The following CEP250 variants were observed in gnomAD, a reference collection of about 807,000 sequenced individuals.
CEP250 encodes centrosome-associated protein CEP250.
A neutral mutation model predicts 315.7 loss-of-function variants in CEP250; 242 were observed. That is an observed-to-expected ratio of 0.77 (90% CI 0.69 to 0.85). The LOEUF is 0.85. CEP250 is among the 40% of genes least tolerant of loss of function. The pLI, the probability that CEP250 is intolerant of heterozygous loss-of-function variation, is 0.00. For synonymous variants in CEP250, 1,088 were observed against 1,175.0 expected, an observed-to-expected ratio of 0.93 and a Z score of 1.51; for missense variants, 2,515 against 2,886.4, an observed-to-expected ratio of 0.87 and a Z score of 2.95.
chr20:35,480,041 G>C lies in CEP250; in HGVS notation c.2482G>C (p.Ala828Pro). The part of the protein sequence containing the change: ...ERSQAEQERD[A>P]AARQLAQAEQ... ...GAGTCAGGCAGAGCAGGAGCGGGAT[G>C]CTGCAGCCAGACAGCTGGCCCAGGC... Residue 828 changes from alanine to proline, a missense_variant, in exon 20 of 35, where the codon GCT becomes CCT. Coordinates refer to ENST00000397527, the MANE Select transcript of CEP250 (RefSeq NM_007186.6). The C allele has an allele frequency of 6.2e-7, 1 of 1,613,490 alleles. No homozygotes were observed. Among genetic ancestry groups the C allele is most frequent in the Non-Finnish European group, 8.5e-7 (1 of 1,180,034 alleles).
intron 34 of CEP250, among the ~76,000 whole-genome samples, chr20:35,510,376 C>T (rs577308036): frequency 3.3e-5 from 5 of 152,180 alleles, no homozygotes; most frequent in Non-Finnish European, 5.9e-5. Flanking sequence ...GAGGTGCCCT[C>T]GCAGCCAAGA....
rs539691184 is a variant in CEP250 at position 35,457,323 on chromosome 20, G to T, written c.-297-981G>T. Among the ~76,000 whole-genome samples the T allele has an allele frequency of 1.1e-4, 16 of 152,256 alleles. No homozygotes were observed. In the East Asian group the frequency reaches 3.1e-3, roughly 29 times the overall value. On this transcript the variant is annotated intron_variant, in intron 1 of 34. Coordinates refer to ENST00000397527, the MANE Select transcript of CEP250 (RefSeq NM_007186.6). ...TAATAATTAGATAGGGACAGAAAAA[G>T]CATGGTAAGGTAAATAAAAGTACTA... is the stretch of plus-strand genomic sequence containing the variant.
Position 35,504,751 on chromosome 20 carries a change from A to C in CEP250, c.6382A>C (p.Ser2128Arg), listed in dbSNP as rs756146385. The C allele has an allele frequency of 1.2e-6, 2 of 1,614,208 alleles. No homozygotes were observed. The highest frequency in any genetic ancestry group is 8.5e-7 in the Non-Finnish European group (1 of 1,180,028). Residue 2128 changes from serine (S) to arginine (R), a missense_variant, in exon 30 of 35, where the codon AGC becomes CGC. Transcript: ENST00000397527. ...GAACAACCTGGAAGCCTTACCCCACAGCCACAAAACCTCCCCAATGGAGGA... is the reference window on the plus strand; with the variant it reads ...GAACAACCTGGAAGCCTTACCCCACCGCCACAAAACCTCCCCAATGGAGGA... ...QRNNLEALPH[S>R]HKTSPMEEQS...
chr20:35,509,184 C>G (rs562622633), intron 33 of CEP250, 140 bp downstream of exon 33: 5 of 683,414 alleles, frequency 7.3e-6, no homozygotes, highest in South Asian at 7.2e-5. Context: ...CTGCCCTGCT[C>G]GGCACAGCTC....
intron 20 of CEP250, among the ~76,000 whole-genome samples, chr20:35,490,050 T>A (rs574072079): frequency 5.5e-4 from 83 of 152,134 alleles, no homozygotes; most frequent in African/African-American, 1.9e-3. Flanking sequence ...CAGTGGCTCA[T>A]GCCTATAATC....
chr20:35,484,825 G>A (rs2063459826), intron 20 of CEP250, among the ~76,000 whole-genome samples: 4 of 152,066 alleles, frequency 2.6e-5, no homozygotes, highest in Non-Finnish European at 4.4e-5. Context: ...CAATTGTAGT[G>A]CAAAGCAGCC....
intron 31 of CEP250, 83 bp from the exon 32 acceptor site, chr20:35,507,952 G>C (rs563964949): frequency 6.2e-7 from 1 of 1,600,910 alleles, no homozygotes; most frequent in South Asian, 1.1e-5. Context: ...GCTTAAACCT[G>C]CCAGATTGGT....
chr20:35,461,516 G>A (rs2062756207), intron 3 of CEP250, among the ~76,000 whole-genome samples: 1 of 152,172 alleles, frequency 6.6e-6, no homozygotes, highest in Non-Finnish European at 1.5e-5. Flanking sequence ...TGGGTGAGGG[G>A]GTTTGGCCAT....
chr20:35,461,191 C>T (rs561269686), intron 3 of CEP250, among the ~76,000 whole-genome samples: 10 of 152,270 alleles, frequency 6.6e-5, no homozygotes, highest in East Asian at 1.9e-4. Context: ...GTTGAAAATA[C>T]GGATATTCCT....
chr20:35,517,577 A>G lies in CEP250; in HGVS notation c.*5951A>G, dbSNP rs1275939022. ...TCTTGTCATCTATTTAAAATGAAAC[A>G]AGTGCATGTACGTGGTTAAGACATT... On this transcript the variant is annotated 3_prime_UTR_variant, in exon 35 of 35. Coordinates refer to ENST00000397527, the MANE Select transcript of CEP250 (RefSeq NM_007186.6). The G allele has an allele frequency of 1.3e-5, 2 of 152,142 alleles. No individual in the cohort carries two copies. The highest frequency in any genetic ancestry group is 4.8e-5 in the African/African-American group (2 of 41,428). 9.4% of individuals were successfully genotyped at this position (152,142 alleles called of 1,614,324 possible).
At chr20:35,459,274 A>G (rs1854264316) in intron 2 of CEP250, among the ~76,000 whole-genome samples, 3 of 151,730 alleles carry the variant, frequency 2.0e-5, no homozygotes, top group African/African-American at 4.8e-5. Context: ...TTTTTTAATT[A>G]TCTGCTAAAG....
intron 17 of CEP250, 48 bp from the exon 18 acceptor site, chr20:35,479,183 A>T: frequency 6.3e-7 from 1 of 1,577,376 alleles, no homozygotes; most frequent in Non-Finnish European, 8.7e-7. Flanking sequence ...TAGCGGCCCC[A>T]GGGGAATCCA....
chr20:35,474,738 T>C (rs1946749842), intron 14 of CEP250: 1 of 466,940 alleles, frequency 2.1e-6, no homozygotes, highest in Non-Finnish European at 4.5e-6. Flanking sequence ...GTTTAAATTA[T>C]GGCTCTGTCA....
chr20:35,466,001 C>T, intron 6 of CEP250, 38 bp from the exon 7 acceptor site: 10 of 1,612,058 alleles, frequency 6.2e-6, no homozygotes, highest in Non-Finnish European at 8.5e-6. Context: ...TGGACTAGAC[C>T]TTTATTTTGC....
Position 35,497,993 on chromosome 20 carries a change from G to T in CEP250, c.3581G>T (p.Gly1194Val). 6.2e-7 allele frequency: 1 copy of T among 1,613,252 alleles called. No individual in the cohort carries two copies. The highest frequency in any genetic ancestry group is 8.5e-7 in the Non-Finnish European group (1 of 1,179,626). ...TACTCTGCCCTGCAGCAGGCCCTGG[G>T]GTCTGTTTGTGAGAGCAGGCCTGAG... ...SLYSALQQAL[G>V]SVCESRPELS... is the part of the protein sequence containing the mutation. The change falls in exon 26 of 35, where the codon GGG becomes GTG. Residue 1194 changes from glycine to valine, a missense_variant. Transcript: ENST00000397527.
At chr20:35,469,689 T>C (rs940373077) in intron 9 of CEP250, among the ~76,000 whole-genome samples, 1 of 151,892 alleles carries the variant, frequency 6.6e-6, no homozygotes, top group Non-Finnish European at 1.5e-5. Flanking sequence ...TGTGTCTGAG[T>C]GGTTTTTTGC....
chr20:35,498,458 T>G lies in CEP250; in HGVS notation c.3656-137T>G, dbSNP rs1034929791. 9 of 1,053,292 alleles carry G rather than the reference T, an allele frequency of 8.5e-6. No individual in the cohort carries two copies. In the African/African-American group the frequency reaches 1.5e-4, roughly 17 times the overall value. The allele number at this position is 1,053,292 out of a possible 1,614,324, so 65.2% of individuals were successfully genotyped here. ...GGCCCATACTTATGGAGAAAATATG[T>G]GATGAGTGAACTGCTGAGAAAGGGG... is the stretch of plus-strand genomic sequence containing the variant. On this transcript the variant is annotated intron_variant, in intron 26 of 34. Coordinates refer to ENST00000397527, the MANE Select transcript of CEP250 (RefSeq NM_007186.6).
intron 3 of CEP250, 76 bp from the exon 4 acceptor site, chr20:35,462,189 T>C: frequency 1.9e-6 from 1 of 513,516 alleles, no homozygotes; most frequent in Non-Finnish European, 3.5e-6. Flanking sequence ...CCTTTTAGTA[T>C]TTTAAAGGTT....
intron 10 of CEP250, 125 bp from the exon 11 acceptor site, chr20:35,471,925 T>C (rs1216691796): frequency 1.5e-6 from 1 of 665,260 alleles, no homozygotes; most frequent in African/African-American, 1.8e-5. Context: ...AGCATTGACA[T>C]ATGGTCAGGG....
Sources: allele counts gnomAD v4.1 joint callset (sites outside exome capture counted in the v4.1 genomes callset), GRCh38; gene constraint gnomAD v4.1.1; transcripts MANE v1.5; gene names NCBI Gene and HGNC (gene_info 2026-07-23, HGNC 2026-07-21).